LARS1: variants seen among roughly 807,000 people sequenced by gnomAD.
LARS1 encodes leucyl-tRNA synthetase 1.
Under a neutral mutation model 162.8 loss-of-function variants are expected in LARS1, and 100 were observed. The observed-to-expected ratio is 0.61, with a 90% CI of 0.52 to 0.73. The LOEUF (loss-of-function observed/expected upper bound fraction) is 0.73, where lower values mean the gene tolerates loss of function less well. LARS1 is among the 30% of genes least tolerant of loss of function. The probability of loss-of-function intolerance (pLI) is 0.00; values close to 1 mark genes in which losing one functional copy is unlikely to be tolerated. For missense variants in LARS1, 1,258 were observed against 1,408.9 expected (o/e 0.89, Z 1.71); for synonymous variants, 457 against 462.8 (o/e 0.99, Z 0.16).
intron 6 of LARS1, 97 bp downstream of exon 6, chr5:146,164,213 T>TA (rs966118207): frequency 4.5e-5 from 57 of 1,258,828 alleles, no homozygotes; most frequent in South Asian, 4.1e-5. Flanking sequence ...TCTTCAATTG[T>TA]AAAAAAAATC....
At chr5:146,180,872 G>C (rs1172378441) in intron 1 of LARS1, 1 of 152,132 alleles carries the variant, frequency 6.6e-6, no homozygotes, top group Admixed American at 6.6e-5. Context: ...ATAATTCTTT[G>C]TTTTCAGGGG....
Position 146,143,475 on chromosome 5 carries a change from G to A in LARS1, c.1814C>T (p.Thr605Ile). Residue 605 changes from threonine (T) to isoleucine (I), a missense_variant, in exon 19 of 32, where the codon ACA becomes ATA. Coordinates refer to ENST00000394434, the MANE Select transcript of LARS1 (RefSeq NM_020117.11). ...SDSTIYMAFY[T>I]VAHLLQGGNL... is the part of the protein sequence containing the mutation. ...ACCCCCCTGCAATAGGTGTGCAACTGTGTAAAATGCCATGTAAATAGTGGA... is the reference window on the plus strand; with the variant it reads ...ACCCCCCTGCAATAGGTGTGCAACTATGTAAAATGCCATGTAAATAGTGGA... 6.2e-7 allele frequency: 1 copy of A among 1,614,034 alleles called. No homozygotes were observed. The highest frequency in any genetic ancestry group is 1.1e-5 in the South Asian group (1 of 91,082).
chr5:146,172,277 AGAGG>A (rs1367719653), intron 3 of LARS1, among the ~76,000 whole-genome samples: 1 of 152,182 alleles, frequency 6.6e-6, no homozygotes, highest in Non-Finnish European at 1.5e-5. Flanking sequence ...CAGCACTTTC[AGAGG>A]CCGAGGCTGG....
At chr5:146,145,670 A>T (rs1246351494) in intron 15 of LARS1, among the ~76,000 whole-genome samples, 2 of 152,238 alleles carry the variant, frequency 1.3e-5, no homozygotes, top group South Asian at 2.1e-4. Context: ...GATAATTTTT[A>T]AAAATAAAAT....
intron 31 of LARS1, among the ~76,000 whole-genome samples, chr5:146,119,712 C>T (rs1561794573): frequency 1.3e-5 from 2 of 152,086 alleles, no homozygotes; most frequent in African/African-American, 4.8e-5. Flanking sequence ...CAGACTTATT[C>T]TTGATAATAA....
At chr5:146,139,502 AT>A (rs1338406676) in intron 21 of LARS1, 2 of 152,196 alleles carry the variant, frequency 1.3e-5, no homozygotes, top group Admixed American at 1.3e-4. Context: ...CTAAATACAA[AT>A]GTTACAAATA....
At chr5:146,165,827 T>C (rs1753980347) in intron 5 of LARS1, among the ~76,000 whole-genome samples, 1 of 152,296 alleles carries the variant, frequency 6.6e-6, no homozygotes, top group South Asian at 2.1e-4. Flanking sequence ...ACTAGTAGTC[T>C]AGGATGGAAC....
At chr5:146,132,677 A>T (rs982954509) in intron 23 of LARS1, 3 of 381,374 alleles carry the variant, frequency 7.9e-6, no homozygotes, top group Admixed American at 4.2e-5. Context: ...AGAGCTAATA[A>T]TATCTGTATT....
rs190451001 is a variant in LARS1 at position 146,129,874 on chromosome 5, G to A, written c.2628+144C>T. 2.9e-4 allele frequency: 234 copies of A among 801,270 alleles called. 1 individual carries two copies. The highest frequency in any genetic ancestry group is 1.3e-3 in the Middle Eastern group (5 of 3,704). The allele number at this position is 801,270 out of a possible 1,614,324, so 49.6% of individuals were successfully genotyped here. ...ATAGGAGATAGCTCTGGTTTAACCC[G>A]TCATAATTATGATGCTGAATCCAGC... On this transcript the variant is annotated intron_variant, in intron 25 of 31. Transcript: ENST00000394434.
intron 20 of LARS1, among the ~76,000 whole-genome samples, chr5:146,141,673 C>T (rs1752783241): frequency 6.6e-6 from 1 of 152,026 alleles, no homozygotes; most frequent in Non-Finnish European, 1.5e-5. Flanking sequence ...GGCAAGGTGA[C>T]ATGTGGCTAG....
chr5:146,170,482 G>GC (rs911776951), intron 4 of LARS1, among the ~76,000 whole-genome samples: 4 of 149,964 alleles, frequency 2.7e-5, no homozygotes, highest in African/African-American at 9.8e-5. Context: ...AAAAAAAAAA[G>GC]GGGGGAAAAA....
rs1238506913 is a variant in LARS1 at position 146,114,194 on chromosome 5, T to C, written c.3443A>G (p.Asn1148Ser). The change falls in exon 32 of 32, where the codon AAT becomes AGT. Residue 1148 changes from asparagine to serine, a missense_variant. Physicochemically the swap from Asn to Ser is conservative, Grantham distance 46 (BLOSUM62 1). Coordinates refer to ENST00000394434, the MANE Select transcript of LARS1 (RefSeq NM_020117.11). ...KTPISEHAVF[N>S]VDLMSKKIHL... is the part of the protein sequence containing the mutation. ...AATTTTCTTGCTCATGAGGTCCACA[T>C]TGAAAACAGCATGCTCAGAAATGGG... The C allele has an allele frequency of 5.6e-6, 9 of 1,613,640 alleles. No homozygotes were observed. Among genetic ancestry groups the C allele is most frequent in the East Asian group, 2.2e-5 (1 of 44,852 alleles).
At chr5:146,171,353 G>A (rs1001033383) in intron 4 of LARS1, among the ~76,000 whole-genome samples, 48 of 140,978 alleles carry the variant, frequency 3.4e-4, no homozygotes, top group African/African-American at 5.9e-4. Flanking sequence ...GCAAAACTCC[G>A]TCTCAAAAAA....
At position 146,172,082 on chromosome 5, in the gene LARS1, T is replaced by C. The variant is rs1046118972; in HGVS notation, c.214-92A>G. ...TCACACAAAAAAATTAGTTTTCTTCTTTACATCCTCCTTTGGAATGCCAGT... is the reference window on the plus strand; with the variant it reads ...TCACACAAAAAAATTAGTTTTCTTCCTTACATCCTCCTTTGGAATGCCAGT... On this transcript the variant is annotated intron_variant, in intron 3 of 31. Coordinates refer to ENST00000394434, the MANE Select transcript of LARS1 (RefSeq NM_020117.11). 2.7e-6 allele frequency: 3 copies of C among 1,103,042 alleles called. No individual in the cohort carries two copies. In the African/African-American group the frequency reaches 4.7e-5, roughly 17 times the overall value. The allele number at this position is 1,103,042 out of a possible 1,614,324, so 68.3% of individuals were successfully genotyped here.
In LARS1 at chr5:146,151,891, TCTC is replaced by T; in HGVS notation, c.1393_1395del (p.Glu465del). The T allele has an allele frequency of 1.9e-6, 3 of 1,614,052 alleles. No individual in the cohort carries two copies. The highest frequency in any genetic ancestry group is 2.5e-6 in the Non-Finnish European group (3 of 1,179,964). On this transcript the variant is annotated inframe_deletion, in exon 14 of 32. Coordinates refer to ENST00000394434, the MANE Select transcript of LARS1 (RefSeq NM_020117.11). ...TCATAAAATCCTTTTAGATATATCTTCTCCTTTGCTTCTGCAAGTTTTTCCCGG... is the reference window on the plus strand; with the variant it reads ...TCATAAAATCCTTTTAGATATATCTTCTTTGCTTCTGCAAGTTTTTCCCGG...
intron 31 of LARS1, among the ~76,000 whole-genome samples, chr5:146,116,090 A>C (rs1251308287): frequency 6.6e-6 from 1 of 152,208 alleles, no homozygotes; most frequent in African/African-American, 2.4e-5. Context: ...CCTGTCTAAG[A>C]GTCTTTGGAG....
At chr5:146,168,572 C>G (rs1454641352) in intron 4 of LARS1, among the ~76,000 whole-genome samples, 1 of 152,076 alleles carries the variant, frequency 6.6e-6, no homozygotes, top group East Asian at 1.9e-4. Flanking sequence ...GTAATCCCAG[C>G]TACTTGGGAG....
intron 10 of LARS1, among the ~76,000 whole-genome samples, chr5:146,156,446 C>A (rs1164304408): frequency 1.3e-5 from 2 of 152,100 alleles, no homozygotes; most frequent in African/African-American, 4.8e-5. Context: ...GTAATCCCTG[C>A]ACTTTGGGAG....
chr5:146,160,965 G>A (rs187844358), intron 6 of LARS1, among the ~76,000 whole-genome samples: 6 of 152,064 alleles, frequency 3.9e-5, no homozygotes, highest in Non-Finnish European at 7.4e-5. Context: ...CTAAAATTAG[G>A]AATTGGTCCA....
Sources: allele counts gnomAD v4.1 joint callset (sites outside exome capture counted in the v4.1 genomes callset), GRCh38; gene constraint gnomAD v4.1.1; transcripts MANE v1.5; gene names NCBI Gene and HGNC (gene_info 2026-07-23, HGNC 2026-07-21).